The following FAF1 variants were observed in gnomAD, a reference collection of about 807,000 sequenced individuals.
FAF1 encodes the protein FAS-associated factor 1.
FAF1 carries 25 observed loss-of-function variants against 92.5 expected under a neutral mutation model. That is an observed-to-expected ratio of 0.27 (90% CI 0.20 to 0.38). The LOEUF is 0.38. FAF1 is among the 10% of genes least tolerant of loss of function. The pLI, the probability that FAF1 is intolerant of heterozygous loss-of-function variation, is 1.00. For missense variants in FAF1, 636 were observed against 793.3 expected (o/e 0.80, Z 2.38); for synonymous variants, 234 against 273.2 (o/e 0.86, Z 1.42).
At chr1:50,487,305 T>C (rs980214210) in intron 17 of FAF1, among the ~76,000 whole-genome samples, 7 of 152,214 alleles carry the variant, frequency 4.6e-5, no homozygotes, top group Admixed American at 1.3e-4. Context: ...AAGATAAGTA[T>C]AGAACAGATT....
chr1:50,742,374 C>A (rs1659422179), intron 5 of FAF1, among the ~76,000 whole-genome samples: 1 of 142,580 alleles, frequency 7.0e-6, no homozygotes, highest in Non-Finnish European at 1.5e-5. Flanking sequence ...AGGCTGTGTT[C>A]AAATTTGGGA....
At chr1:50,654,777 T>C (rs927331073) in intron 8 of FAF1, among the ~76,000 whole-genome samples, 9 of 152,148 alleles carry the variant, frequency 5.9e-5, no homozygotes, top group African/African-American at 2.2e-4. Flanking sequence ...ATTTCATTAG[T>C]AGTATCTGAA....
chr1:50,596,169 T>C lies in FAF1; in HGVS notation c.792A>G (p.Thr264=). 1 of 1,613,996 alleles carries C rather than the reference T, an allele frequency of 6.2e-7. No homozygotes were observed. Among genetic ancestry groups the C allele is most frequent in the South Asian group, 1.1e-5 (1 of 91,068 alleles). ...GTGCAGGTGAAGATCTTCTTCCCAC[T>C]GTAAGTCGATGGCAGGGATAAGAGA... ...SGLSYPCHRL[T]VGRRSSPAQT... is the part of the protein sequence containing the mutation. Residue 264 remains threonine (T), a synonymous_variant, in exon 9 of 19, where the codon ACA becomes ACG. Coordinates refer to ENST00000396153, the MANE Select transcript of FAF1 (RefSeq NM_007051.3).
intron 15 of FAF1, among the ~76,000 whole-genome samples, chr1:50,517,074 G>A (rs1031964725): frequency 6.6e-6 from 1 of 152,034 alleles, no homozygotes; most frequent in African/African-American, 2.4e-5. Context: ...ATACATTCAT[G>A]TGCATGTAAG....
chr1:50,893,872 T>C (rs1557578694), intron 1 of FAF1, among the ~76,000 whole-genome samples: 1 of 152,112 alleles, frequency 6.6e-6, no homozygotes, highest in Non-Finnish European at 1.5e-5. Context: ...TGGTATTCTA[T>C]TGTACTGCGG....
At chr1:50,526,475 A>T (rs903756045) in intron 15 of FAF1, among the ~76,000 whole-genome samples, 6 of 151,400 alleles carry the variant, frequency 4.0e-5, no homozygotes, top group Non-Finnish European at 8.8e-5. Flanking sequence ...TAATTTTAAA[A>T]TTTTTTTCAT....
intron 6 of FAF1, among the ~76,000 whole-genome samples, chr1:50,723,960 A>T (rs1003455522): frequency 8.6e-5 from 13 of 151,918 alleles, no homozygotes; most frequent in African/African-American, 3.1e-4. Flanking sequence ...TGTTGGGCAG[A>T]CTGGTCTCGA....
intron 1 of FAF1, among the ~76,000 whole-genome samples, chr1:50,883,871 T>C (rs1293092004): frequency 1.3e-5 from 2 of 152,160 alleles, no homozygotes; most frequent in African/African-American, 2.4e-5. Context: ...ATACCTATAA[T>C]CCCAGCACTT....
Position 50,655,462 on chromosome 1 carries a change from T to A in FAF1, c.724A>T (p.Thr242Ser). The change falls in exon 8 of 19, where the codon ACT (threonine) becomes TCT (serine). Residue 242 changes from threonine to serine, a missense_variant. By Grantham distance (58) the Thr-to-Ser change is moderately conservative (BLOSUM62 1). Coordinates refer to ENST00000396153, the MANE Select transcript of FAF1 (RefSeq NM_007051.3). ...CTTACTGAGTCGTCTGTAGCAGAAG[T>A]TGGCCAGCCCTCCCATAATTGGTGG... ...VRHQLWEGWP[T>S]SATDDSMCLA... The A allele has an allele frequency of 6.2e-7, 1 of 1,613,516 alleles. No homozygotes were observed. The highest frequency in any genetic ancestry group is 8.5e-7 in the Non-Finnish European group (1 of 1,179,378).
intron 18 of FAF1, among the ~76,000 whole-genome samples, chr1:50,451,169 A>G (rs1031481512): frequency 6.6e-6 from 1 of 152,220 alleles, no homozygotes; most frequent in South Asian, 2.1e-4. Context: ...TCTTCCTTTG[A>G]TGACGTTTTT....
chr1:50,811,509 G>A (rs1326175711), intron 2 of FAF1, among the ~76,000 whole-genome samples: 1 of 152,086 alleles, frequency 6.6e-6, no homozygotes, highest in African/African-American at 2.4e-5. Flanking sequence ...TAGGGGAGGT[G>A]AAAGATCTCT....
chr1:50,721,503 G>A lies in FAF1; in HGVS notation c.552-15612C>T, dbSNP rs769229265. ...GCTGGAATTACAGGTGTGAGCCACCGTGCCCGGCCGGAAAAAAAAATTACA... is the reference window on the plus strand; with the variant it reads ...GCTGGAATTACAGGTGTGAGCCACCATGCCCGGCCGGAAAAAAAAATTACA... On this transcript the variant is annotated intron_variant, in intron 6 of 18. Transcript: ENST00000396153. Among the ~76,000 whole-genome samples, 42 of 151,950 alleles carry A rather than the reference G, an allele frequency of 2.8e-4. 1 individual carries two copies. Among genetic ancestry groups the A allele is most frequent in the Non-Finnish European group, 4.4e-4 (30 of 68,002 alleles).
chr1:50,950,865 T>G (rs1645208801), intron 1 of FAF1, among the ~76,000 whole-genome samples: 1 of 152,192 alleles, frequency 6.6e-6, no homozygotes, highest in African/African-American at 2.4e-5. Flanking sequence ...AAAGAGCAGT[T>G]TTTGTTTTCT....
At chr1:50,627,308 CAAA>C (rs1653550318) in intron 8 of FAF1, among the ~76,000 whole-genome samples, 2 of 152,020 alleles carry the variant, frequency 1.3e-5, no homozygotes, top group Admixed American at 1.3e-4. Context: ...GATGAGCTTG[CAAA>C]GGAGATAGAA....
intron 7 of FAF1, among the ~76,000 whole-genome samples, chr1:50,663,491 C>T (rs576680068): frequency 6.6e-6 from 1 of 151,000 alleles, no homozygotes; most frequent in Middle Eastern, 3.4e-3. Flanking sequence ...CAACCTCCGC[C>T]TCCCAGGTTC....
chr1:50,712,056 C>T (rs1294539351), intron 6 of FAF1, among the ~76,000 whole-genome samples: 1 of 152,148 alleles, frequency 6.6e-6, no homozygotes, highest in African/African-American at 2.4e-5. Flanking sequence ...GTAGCAATGA[C>T]CTAGGTCTAA....
intron 4 of FAF1, among the ~76,000 whole-genome samples, chr1:50,766,075 A>G (rs1660559825): frequency 6.6e-6 from 1 of 152,096 alleles, no homozygotes; most frequent in South Asian, 2.1e-4. Context: ...CTGGGCGACA[A>G]GAACGAAACT....
intron 18 of FAF1, chr1:50,451,904 G>C (rs2148980411): frequency 9.2e-7 from 1 of 1,086,916 alleles, no homozygotes; most frequent in Admixed American, 5.2e-5. Context: ...TGTTAAAATG[G>C]TCTCAAACTT....
In FAF1 at chr1:50,788,076, T is replaced by C. The variant is rs142821928; in HGVS notation, c.291A>G (p.Gln97=). 2.3e-5 allele frequency: 37 copies of C among 1,614,124 alleles called. No individual in the cohort carries two copies. In the East Asian group the frequency reaches 5.8e-4, roughly 25 times the overall value. ...CAACCCTGAAGTCCAGCATCCGAGG[T>C]TGCCTTTCTACAATCTGCCTGGATG... ...VMPSRQIVER[Q]PRMLDFRVEY... The change falls in exon 4 of 19, where the codon CAA becomes CAG. Residue 97 remains glutamine (Q), a synonymous_variant. Transcript: ENST00000396153.
Sources: gnomAD v4.1 joint callset for allele counts (sites outside exome capture counted in the v4.1 genomes callset) on GRCh38, gnomAD v4.1.1 for gene constraint, MANE v1.5 for transcripts, NCBI Gene and HGNC (gene_info 2026-07-23, HGNC 2026-07-21) for gene names.